RYR1: variants seen among roughly 807,000 people sequenced by gnomAD.
The protein encoded by RYR1 is central core disease of muscle.
RYR1 carries 342 observed loss-of-function variants against 583.5 expected under a neutral mutation model. The observed-to-expected ratio is 0.59, with a 90% CI of 0.54 to 0.64. The LOEUF (loss-of-function observed/expected upper bound fraction) is 0.64. Among genes scored for constraint, RYR1 ranks in the 30% least tolerant of loss-of-function variants. The pLI is 0.00. For synonymous variants in RYR1, 2,791 were observed against 2,822.5 expected (o/e 0.99, Z 0.35); for missense variants, 6,032 against 6,917.2 (o/e 0.87, Z 4.54).
chr19:38,449,486 A>AAAACC (rs1386452592), intron 11 of RYR1, among the ~76,000 whole-genome samples: 2 of 152,184 alleles, frequency 1.3e-5, no homozygotes, highest in East Asian at 3.9e-4. Flanking sequence ...AAAACAAAAC[A>AAAACC]AAAACAAAAA....
Position 38,572,130 on chromosome 19 carries a change from G to T in RYR1, c.13858G>T (p.Ala4620Ser), listed in dbSNP as rs1490011025. ...SGWGLGAGEEAEGDEDENMVY... is the reference protein window; with the variant it reads ...SGWGLGAGEESEGDEDENMVY... The stretch of plus-strand genomic sequence containing the variant: ...CTGGGGCTTGGGGGCCGGAGAGGAG[G>T]CAGAGGGCGATGAGGATGAGAACAT... Residue 4620 changes from alanine (A) to serine (S), a missense_variant, in exon 95 of 106, where the codon GCA (alanine) becomes TCA (serine). Around this residue, in one of 11 missense-constraint regions of RYR1, gnomAD observed 188 missense variants for 215.6 expected, o/e 0.87. Coordinates refer to ENST00000359596, the MANE Select transcript of RYR1 (RefSeq NM_000540.3). 1 of 1,613,858 alleles carries T rather than the reference G, an allele frequency of 6.2e-7. No homozygotes were observed.
chr19:38,455,624 C>G lies in RYR1; in HGVS notation c.1673-9C>G, dbSNP rs1242097382. 3.7e-6 allele frequency: 6 copies of G among 1,611,460 alleles called. No individual in the cohort carries two copies. The highest frequency in any genetic ancestry group is 5.1e-6 in the Non-Finnish European group (6 of 1,177,626). ...GCCGCTTCACCTCTCATTCTGGGCACCCTGGCAGGCATCCTGGAGGTCCTG... is the reference window on the plus strand; with the variant it reads ...GCCGCTTCACCTCTCATTCTGGGCAGCCTGGCAGGCATCCTGGAGGTCCTG... On this transcript the variant is annotated splice_polypyrimidine_tract_variant and intron_variant, in intron 15 of 105. Transcript: ENST00000359596.
Position 38,467,790 on chromosome 19 carries a change from C to G in RYR1, c.3359C>G (p.Ala1120Gly). The G allele has an allele frequency of 1.2e-6, 2 of 1,614,108 alleles. No homozygotes were observed. The highest frequency in any genetic ancestry group is 2.2e-5 in the East Asian group (1 of 44,886). ...PDVELGADELAYVFNGHRGQR... is the reference protein window; with the variant it reads ...PDVELGADELGYVFNGHRGQR... Reference sequence around the variant, plus strand: ...GTAGAGCTGGGAGCTGACGAGCTGGCCTATGTCTTCAATGGGCACCGCGTG... The same window carrying G: ...GTAGAGCTGGGAGCTGACGAGCTGGGCTATGTCTTCAATGGGCACCGCGTG... Residue 1120 changes from alanine to glycine, a missense_variant, in exon 25 of 106, where the codon GCC (alanine) becomes GGC (glycine). Around this residue, in one of 11 missense-constraint regions of RYR1, gnomAD observed 2,627 missense variants for 2,961.3 expected, o/e 0.89. Transcript: ENST00000359596.
intron 27 of RYR1, among the ~76,000 whole-genome samples, chr19:38,472,836 A>T (rs1236166219): frequency 6.6e-5 from 3 of 45,312 alleles, no homozygotes; most frequent in East Asian, 7.3e-4. Context: ...ACTCTTGTCT[A>T]AAAAAAAAAA....
intron 89 of RYR1, among the ~76,000 whole-genome samples, chr19:38,559,632 T>C (rs1218411769): frequency 6.6e-6 from 1 of 152,074 alleles, no homozygotes; most frequent in Non-Finnish European, 1.5e-5. Context: ...TCCGGTGTGA[T>C]TATGTCTCCA....
Position 38,510,762 on chromosome 19 carries a change from G to A in RYR1, c.9103G>A (p.Glu3035Lys). The change falls in exon 60 of 106, where the codon GAG becomes AAG. Residue 3035 changes from glutamate to lysine, a missense_variant. Glu to Lys is a moderately conservative substitution (Grantham distance 56). Transcript: ENST00000359596. Reference sequence around the variant, plus strand: ...CAGCGGTGGCCACGCCTCTAACAAGGAGAAGGAAATGATCACCAGGTGGGC... The same window carrying A: ...CAGCGGTGGCCACGCCTCTAACAAGAAGAAGGAAATGATCACCAGGTGGGC... ...LGSGGHASNK[E>K]KEMITSLFCK... 15 of 1,614,194 alleles carry A rather than the reference G, an allele frequency of 9.3e-6. No homozygotes were observed. The highest frequency in any genetic ancestry group is 1.3e-5 in the Non-Finnish European group (15 of 1,180,046).
chr19:38,515,947 C>G, intron 64 of RYR1, 140 bp from the exon 65 acceptor site: 1 of 1,102,910 alleles, frequency 9.1e-7, no homozygotes, highest in Non-Finnish European at 1.3e-6. Context: ...TCTTAAAAAA[C>G]AAAACAAGTG....
Position 38,485,537 on chromosome 19 carries a change from T to G in RYR1, c.4935-53T>G, listed in dbSNP as rs16972651. ...ATGGAGGAAGAGATGGTGGCTTGAC[T>G]GATGCAGGAGGCTCATTCATCTGTC... On this transcript the variant is annotated intron_variant, in intron 33 of 105. Transcript: ENST00000359596. 255,998 of 1,600,326 alleles carry G rather than the reference T, an allele frequency of 0.16. 25,137 individuals carry two copies. The highest frequency in any genetic ancestry group is 0.44 in the African/African-American group (32,577 of 74,836).
At chr19:38,548,478 A>C in intron 89 of RYR1, 58 bp downstream of exon 89, 1 of 1,555,458 alleles carries the variant, frequency 6.4e-7, no homozygotes, top group Non-Finnish European at 8.9e-7. Context: ...AGGGCCAGCC[A>C]TACCCTTCTG....
chr19:38,526,918 C>A, intron 71 of RYR1, 75 bp from the exon 72 acceptor site: 1 of 1,528,050 alleles, frequency 6.5e-7, no homozygotes, highest in Non-Finnish European at 9.1e-7. Context: ...GGTGCTGGGC[C>A]TGGAAGGAAA....
At chr19:38,471,719 A>G (rs1431123219) in intron 27 of RYR1, among the ~76,000 whole-genome samples, 1 of 151,782 alleles carries the variant, frequency 6.6e-6, no homozygotes, top group African/African-American at 2.4e-5. Flanking sequence ...TGGCCAACAT[A>G]GTGAAACCCC....
chr19:38,502,757 AGGGG>A (rs1970207173), intron 48 of RYR1, 30 bp downstream of exon 48: 1 of 296,596 alleles, frequency 3.4e-6, no homozygotes, highest in East Asian at 7.1e-5. Flanking sequence ...AGGGTGGGGC[AGGGG>A]CAGGGGCAGG....
At chr19:38,507,022 G>A (rs1288586078) in intron 57 of RYR1, 70 bp downstream of exon 57, 3 of 1,607,678 alleles carry the variant, frequency 1.9e-6, no homozygotes, top group Non-Finnish European at 1.7e-6. Context: ...GAAGGGGCGG[G>A]GCCAGAGAGG....
intron 64 of RYR1, 30 bp from the exon 65 acceptor site, chr19:38,516,057 G>A (rs1228619430): frequency 5.8e-6 from 9 of 1,541,332 alleles, no homozygotes; most frequent in African/African-American, 2.7e-5. Flanking sequence ...AGGGGGACAC[G>A]TGGCAGCTAA....
chr19:38,444,082 G>T lies in RYR1; in HGVS notation c.425-67G>T. The T allele has an allele frequency of 7.4e-7, 1 of 1,360,348 alleles. No individual in the cohort carries two copies. The allele number at this position is 1,360,348 out of a possible 1,614,324, so 84.3% of individuals were successfully genotyped here. A position where few individuals can be genotyped will look rare whatever the true frequency, so the allele number is the denominator to read the frequency against. On this transcript the variant is annotated intron_variant, in intron 5 of 105. Transcript: ENST00000359596. The surrounding 1 kb of genome is among the most constrained non-coding windows in gnomAD (Gnocchi z 5.1). ...GCCCGGGAGGCCTGGTGGAGGGAGAGCCCTGGGGAAGAGCATTCTGGGAAG... is the reference window on the plus strand; with the variant it reads ...GCCCGGGAGGCCTGGTGGAGGGAGATCCCTGGGGAAGAGCATTCTGGGAAG...
At chr19:38,462,672 A>C (rs1236781773) in intron 20 of RYR1, among the ~76,000 whole-genome samples, 7 of 152,204 alleles carry the variant, frequency 4.6e-5, no homozygotes, top group African/African-American at 7.2e-5. Context: ...CTTATTAGGT[A>C]TCGCTATGAT....
chr19:38,577,628 C>T (rs1025449717), intron 97 of RYR1, among the ~76,000 whole-genome samples: 9 of 152,134 alleles, frequency 5.9e-5, no homozygotes, highest in African/African-American at 2.2e-4. Context: ...GAAACCCCGT[C>T]CCTACTAAAA....
At chr19:38,501,236 G>C (rs181566734) in intron 47 of RYR1, among the ~76,000 whole-genome samples, 1 of 152,266 alleles carries the variant, frequency 6.6e-6, no homozygotes, top group Admixed American at 6.5e-5. Context: ...GTGGTGACTC[G>C]CGCCTGTAAT....
chr19:38,511,366 T>A (rs1970716886), intron 60 of RYR1, among the ~76,000 whole-genome samples, 195 bp from the exon 61 acceptor site: 1 of 152,080 alleles, frequency 6.6e-6, no homozygotes, highest in Admixed American at 6.6e-5. Flanking sequence ...TCCCAGTTAC[T>A]GCCTGTGACA....
Sources: gnomAD v4.1 joint callset for allele counts (sites outside exome capture counted in the v4.1 genomes callset) on GRCh38, gnomAD v4.1.1 for gene constraint, gnomAD v4.1.1 regional missense constraint, Gnocchi (gnomAD v3.1) non-coding constraint, MANE v1.5 for transcripts, NCBI Gene and HGNC (gene_info 2026-07-23, HGNC 2026-07-21) for gene names.